Variants in PMS1 observed in about 807,000 individuals in gnomAD.
PMS1 encodes the protein PMS1 homolog 1, mismatch repair system component.
A neutral mutation model predicts 93.1 loss-of-function variants in PMS1; 79 were observed. The ratio of observed to expected loss-of-function variants is 0.85; its 90% CI spans 0.71 to 1.02. PMS1 has a LOEUF of 1.02. Ranked by LOEUF, PMS1 falls within the 50% of genes least tolerant of loss-of-function variation. The probability of loss-of-function intolerance (pLI) is 0.00; values close to 1 mark genes in which losing one functional copy is unlikely to be tolerated. For missense variants in PMS1, 1,064 were observed against 1,085.3 expected (o/e 0.98, Z 0.28); for synonymous variants, 335 against 363.4 (o/e 0.92, Z 0.89).
At chr2:189,837,164 GTT>G (rs112928963) in intron 5 of PMS1, among the ~76,000 whole-genome samples, 1 of 143,474 alleles carries the variant, frequency 7.0e-6, no homozygotes, top group Non-Finnish European at 1.5e-5. Flanking sequence ...TAAGTTTGGT[GTT>G]TTTTTTTTTT....
intron 5 of PMS1, among the ~76,000 whole-genome samples, chr2:189,826,450 C>G (rs1212588813): frequency 4.0e-5 from 5 of 126,088 alleles, no homozygotes; most frequent in African/African-American, 1.1e-4. Context: ...GGTTTGGGGT[C>G]TTTTTTTTTT....
intron 12 of PMS1, 55 bp downstream of exon 12, chr2:189,873,711 C>T (rs1575406385): frequency 7.3e-7 from 1 of 1,362,888 alleles, no homozygotes; most frequent in Non-Finnish European, 1.0e-6. Flanking sequence ...ACTCCCGGGC[C>T]AAGCCGGTTA....
chr2:189,832,555 T>C (rs893950820), intron 5 of PMS1, among the ~76,000 whole-genome samples: 1 of 152,056 alleles, frequency 6.6e-6, no homozygotes, highest in Non-Finnish European at 1.5e-5. Context: ...AACCTCCGCC[T>C]CCTGGGTTCA....
intron 11 of PMS1, among the ~76,000 whole-genome samples, chr2:189,872,675 C>G (rs549237859): frequency 6.6e-6 from 1 of 152,054 alleles, no homozygotes; most frequent in Non-Finnish European, 1.5e-5. Flanking sequence ...CTCTGTTGCC[C>G]AGGCTGGAGT....
At chr2:189,875,570 C>G (rs895419231) in intron 12 of PMS1, among the ~76,000 whole-genome samples, 1 of 151,904 alleles carries the variant, frequency 6.6e-6, no homozygotes. Flanking sequence ...GAAAAGTAGG[C>G]AGCAAGTCGT....
chr2:189,823,469 T>C (rs1244769009), intron 5 of PMS1, among the ~76,000 whole-genome samples: 1 of 137,208 alleles, frequency 7.3e-6, no homozygotes, highest in East Asian at 2.3e-4. Flanking sequence ...TTCCCCACCC[T>C]GTGTCCAAGT....
chr2:189,820,988 G>A (rs2051805860), intron 5 of PMS1, among the ~76,000 whole-genome samples: 1 of 151,890 alleles, frequency 6.6e-6, no homozygotes, highest in African/African-American at 2.4e-5. Flanking sequence ...GATGGATGGA[G>A]GCTCATCCTA....
chr2:189,811,099 A>G lies in PMS1; in HGVS notation c.418+5345A>G, dbSNP rs567272636. On this transcript the variant is annotated intron_variant, in intron 4 of 12. Transcript: ENST00000441310. Reference sequence around the variant, plus strand: ...AAAACTAAATGAAAATTCTAGAACAAAAAGTACTATGAAGAATTAATTGGT... The same window carrying G: ...AAAACTAAATGAAAATTCTAGAACAGAAAGTACTATGAAGAATTAATTGGT... 5.3e-5 allele frequency among the ~76,000 whole-genome samples: 8 copies of G among 151,922 alleles called. No homozygotes were observed. The East Asian group carries it at 1.4e-3, about 26-fold the overall frequency.
intron 3 of PMS1, among the ~76,000 whole-genome samples, chr2:189,799,866 C>G (rs1004020301): frequency 2.6e-5 from 4 of 152,216 alleles, no homozygotes; most frequent in Non-Finnish European, 5.9e-5. Flanking sequence ...GACAACATTG[C>G]CCTATGCCCA....
chr2:189,816,891 T>C (rs1272515487), intron 4 of PMS1, among the ~76,000 whole-genome samples: 5 of 151,842 alleles, frequency 3.3e-5, no homozygotes, highest in Non-Finnish European at 7.3e-5. Flanking sequence ...AAACAAAATG[T>C]CATGACATAA....
chr2:189,843,185 T>C (rs1373745646), intron 5 of PMS1, among the ~76,000 whole-genome samples: 1 of 151,920 alleles, frequency 6.6e-6, no homozygotes, highest in Non-Finnish European at 1.5e-5. Context: ...ACACAGCTGA[T>C]TTTTGTATTT....
At position 189,791,841 on chromosome 2, in the gene PMS1, T is replaced by C. The variant is rs770894099; in HGVS notation, c.32T>C (p.Leu11Pro). 2.0e-5 allele frequency: 32 copies of C among 1,613,880 alleles called. 1 individual carries two copies. In the Admixed American group the frequency reaches 4.7e-4, roughly 24 times the overall value. Reference protein sequence around the residue: MKQLPAATVRLLSSSQIITSV... With the variant: MKQLPAATVRPLSSSQIITSV... ...CAATTGCCTGCGGCAACAGTTCGACTCCTTTCAAGTTCTCAGATCATCACT... is the reference window on the plus strand; with the variant it reads ...CAATTGCCTGCGGCAACAGTTCGACCCCTTTCAAGTTCTCAGATCATCACT... The change falls in exon 2 of 13, where the codon CTC (leucine) becomes CCC (proline). Residue 11 changes from leucine (L) to proline (P), a missense_variant. Transcript: ENST00000441310.
intron 9 of PMS1, chr2:189,855,955 A>C: frequency 8.7e-6 from 5 of 574,290 alleles, no homozygotes; most frequent in Non-Finnish European, 1.2e-5. Flanking sequence ...ATGTGTGGAA[A>C]AAATTTTAAA....
Position 189,838,023 on chromosome 2 carries a change from A to C in PMS1, c.583-5941A>C, listed in dbSNP as rs543982291. On this transcript the variant is annotated intron_variant, in intron 5 of 12. Transcript: ENST00000441310. Reference sequence around the variant, plus strand: ...GATTGAAAAGGGATAGGAGTCACTGATGATGGATATAGGTTTTCTTTTTGG... The same window carrying C: ...GATTGAAAAGGGATAGGAGTCACTGCTGATGGATATAGGTTTTCTTTTTGG... Among the ~76,000 whole-genome samples the C allele has an allele frequency of 5.3e-5, 8 of 152,364 alleles. 1 individual carries two copies. The East Asian group carries it at 1.5e-3, about 29-fold the overall frequency.
chr2:189,831,063 A>C (rs368201700), intron 5 of PMS1, among the ~76,000 whole-genome samples: 2 of 152,178 alleles, frequency 1.3e-5, no homozygotes, highest in East Asian at 3.8e-4. Flanking sequence ...GTTACAGCAG[A>C]ATTTGGTTAT....
At chr2:189,820,228 C>T (rs185221302) in intron 5 of PMS1, among the ~76,000 whole-genome samples, 3 of 152,088 alleles carry the variant, frequency 2.0e-5, no homozygotes, top group South Asian at 2.1e-4. Flanking sequence ...CATTGTTGTG[C>T]GACTAGTAAA....
chr2:189,863,247 G>GTT (rs574063102), intron 9 of PMS1, among the ~76,000 whole-genome samples: 1 of 144,882 alleles, frequency 6.9e-6, no homozygotes, highest in Admixed American at 6.9e-5. Context: ...TCTTTTTGGT[G>GTT]TTTTTTTTTG....
intron 9 of PMS1, among the ~76,000 whole-genome samples, chr2:189,859,153 G>T (rs979871058): frequency 1.3e-5 from 2 of 151,934 alleles, no homozygotes; most frequent in Non-Finnish European, 2.9e-5. Flanking sequence ...ACCATTACTC[G>T]CCCCTTTGTT....
chr2:189,785,293 G>C (rs769717347), intron 1 of PMS1: 3 of 152,134 alleles, frequency 2.0e-5, no homozygotes, highest in African/African-American at 7.2e-5. Context: ...TGATTTCTTT[G>C]TGTTCTCTCT....
Sources: allele counts gnomAD v4.1 joint callset (sites outside exome capture counted in the v4.1 genomes callset), GRCh38; gene constraint gnomAD v4.1.1; transcripts MANE v1.5; gene names NCBI Gene and HGNC (gene_info 2026-07-23, HGNC 2026-07-21).